R3HDM2: variants seen among roughly 807,000 people sequenced by gnomAD.
R3HDM2 encodes the protein R3H domain-containing protein 2.
A neutral mutation model predicts 124.5 loss-of-function variants in R3HDM2; 38 were observed. The ratio of observed to expected loss-of-function variants is 0.31; its 90% CI spans 0.24 to 0.40. R3HDM2 has a LOEUF of 0.40. R3HDM2 is among the 10% of genes least tolerant of loss of function. The pLI, the probability that R3HDM2 is intolerant of heterozygous loss-of-function variation, is 1.00. For missense variants in R3HDM2, 869 were observed against 1,236.9 expected (o/e 0.70, Z 4.46); for synonymous variants, 391 against 448.0 (o/e 0.87, Z 1.61).
At chr12:57,412,313 G>A (rs995125188) in intron 1 of R3HDM2, among the ~76,000 whole-genome samples, 4 of 151,770 alleles carry the variant, frequency 2.6e-5, no homozygotes, top group Non-Finnish European at 2.9e-5. Context: ...AGGCCAAGGG[G>A]GGCGAATCAC....
intron 2 of R3HDM2, among the ~76,000 whole-genome samples, chr12:57,394,789 T>A (rs1336643399): frequency 6.6e-6 from 1 of 152,148 alleles, no homozygotes; most frequent in African/African-American, 2.4e-5. Context: ...CGGGAAGAAA[T>A]CATGAGATTT....
chr12:57,334,044 A>T (rs1359233896), intron 2 of R3HDM2, among the ~76,000 whole-genome samples: 2 of 152,116 alleles, frequency 1.3e-5, no homozygotes, highest in East Asian at 3.9e-4. Context: ...CTCAAAAAAA[A>T]AAAAGAAAAA....
rs2048884171 is a variant in R3HDM2 at position 57,292,647 on chromosome 12, A to T, written c.831T>A (p.Asp277Glu). 6.5e-7 allele frequency: 1 copy of T among 1,549,398 alleles called. No individual in the cohort carries two copies. The highest frequency in any genetic ancestry group is 1.4e-5 in the African/African-American group (1 of 72,974). ...CTTCTATTGACTTGCTCCTCCTTCC[A>T]TCCTGCAATGGAACTCTGATCTAGA... ...DDNQIRVPLQ[D>E]GRRSKSIEER... Residue 277 changes from aspartate (D) to glutamate (E), a missense_variant, in exon 11 of 24, where the codon GAT becomes GAA. Asp to Glu is a conservative substitution (Grantham distance 45). Transcript: ENST00000402412.
At position 57,258,999 on chromosome 12, in the gene R3HDM2, T is replaced by TG; in HGVS notation, c.2191dup (p.Gln731ProfsTer15). On this transcript the variant is annotated frameshift_variant, in exon 20 of 24. Transcript: ENST00000402412. LOFTEE classifies it high-confidence loss of function. ...GACCATGGATGGGTTCTGAGGGGGCTGGGGTCCATTAGGGACATTCAGCTG... is the reference window on the plus strand; with the variant it reads ...GACCATGGATGGGTTCTGAGGGGGCTGGGGGTCCATTAGGGACATTCAGCTG... The TG allele has an allele frequency of 6.2e-7, 1 of 1,613,422 alleles. No individual in the cohort carries two copies. Among genetic ancestry groups the TG allele is most frequent in the Non-Finnish European group, 8.5e-7 (1 of 1,179,930 alleles).
rs191592959 is a variant in R3HDM2, at chr12:57,424,858, C to T, written c.-106+5862G>A. Among the ~76,000 whole-genome samples, 885 of 152,184 alleles carry T rather than the reference C, an allele frequency of 5.8e-3. 10 individuals are homozygous for T. The highest frequency in any genetic ancestry group is 0.02 in the African/African-American group (839 of 41,522). On this transcript the variant is annotated intron_variant, in intron 1 of 23. Coordinates refer to ENST00000402412, the MANE Select transcript of R3HDM2 (RefSeq NM_001394031.1). ...GTGCTGCACTACAGGTATGAACCAC[C>T]AAGCCAAGCCTATACAATATTTTTA...
intron 21 of R3HDM2, among the ~76,000 whole-genome samples, chr12:57,257,280 T>G (rs1425342996): frequency 6.6e-6 from 1 of 152,050 alleles, no homozygotes; most frequent in Non-Finnish European, 1.5e-5. Context: ...TGATCTAACG[T>G]TGGGTATTTT....
chr12:57,393,039 C>T (rs565282839), intron 2 of R3HDM2, among the ~76,000 whole-genome samples: 2 of 152,014 alleles, frequency 1.3e-5, no homozygotes, highest in African/African-American at 4.8e-5. Context: ...CTCCTGACCT[C>T]GTGATCCACC....
intron 2 of R3HDM2, among the ~76,000 whole-genome samples, chr12:57,334,812 T>A (rs1487435510): frequency 6.6e-6 from 1 of 152,084 alleles, no homozygotes; most frequent in Non-Finnish European, 1.5e-5. Context: ...AAACTTCCCA[T>A]GCCTCAATAT....
chr12:57,362,698 C>T (rs565856966), intron 2 of R3HDM2, among the ~76,000 whole-genome samples: 2 of 152,274 alleles, frequency 1.3e-5, no homozygotes, highest in Admixed American at 6.5e-5. Flanking sequence ...TATTTCTGCA[C>T]GTTATAAACC....
chr12:57,339,805 T>C (rs188101504), intron 2 of R3HDM2, among the ~76,000 whole-genome samples: 19 of 152,040 alleles, frequency 1.2e-4, no homozygotes, highest in Admixed American at 2.0e-4. Context: ...TAAGTAGGTA[T>C]AGTAACTTTT....
At chr12:57,415,617 G>A (rs567326340) in intron 1 of R3HDM2, among the ~76,000 whole-genome samples, 2 of 147,910 alleles carry the variant, frequency 1.4e-5, no homozygotes, top group African/African-American at 4.9e-5. Flanking sequence ...CCTTTACAAT[G>A]AAGAAATCTA....
chr12:57,346,375 T>C (rs1233942452), intron 2 of R3HDM2, among the ~76,000 whole-genome samples: 2 of 151,096 alleles, frequency 1.3e-5, no homozygotes, highest in East Asian at 3.9e-4. Flanking sequence ...GGAGAATCAC[T>C]TGAACCCAGG....
chr12:57,357,644 A>ATT lies in R3HDM2; in HGVS notation c.-36+38103_-36+38104dup, dbSNP rs35477289. ...AAAGAACTAGCTTGTAGTTTTGCTG[A>ATT]TTTTTTTTTTTTTTTTTTGGCTTTT... On this transcript the variant is annotated intron_variant, in intron 2 of 23. Coordinates refer to ENST00000402412, the MANE Select transcript of R3HDM2 (RefSeq NM_001394031.1). Among the ~76,000 whole-genome samples the ATT allele has an allele frequency of 3.8e-3, 483 of 127,412 alleles. 5 individuals are homozygous for ATT. Among genetic ancestry groups the ATT allele is most frequent in the East Asian group, 0.035 (154 of 4,396 alleles). 83.6% of individuals were successfully genotyped at this position (127,412 alleles called of 152,430 possible).
chr12:57,258,261 C>T, intron 20 of R3HDM2, 124 bp from the exon 21 acceptor site: 2 of 858,176 alleles, frequency 2.3e-6, no homozygotes, highest in Non-Finnish European at 3.1e-6. Flanking sequence ...CTGCCAAAGT[C>T]AGACTCTTCC....
Position 57,410,512 on chromosome 12 carries a change from T to C in R3HDM2, c.-105-14694A>G, listed in dbSNP as rs146795356. Among the ~76,000 whole-genome samples the C allele has an allele frequency of 4.6e-3, 700 of 152,256 alleles. 4 individuals carry two copies. Among genetic ancestry groups the C allele is most frequent in the Admixed American group, 4.4e-3 (67 of 15,268 alleles). On this transcript the variant is annotated intron_variant, in intron 1 of 23. Transcript: ENST00000402412. ...TCACCTGATCTCAAGCTCAAATGTA[T>C]TGCCTCATCCATCCAGGTGAAGTGT...
chr12:57,380,191 A>C (rs1433041200), intron 2 of R3HDM2, among the ~76,000 whole-genome samples: 2 of 152,100 alleles, frequency 1.3e-5, no homozygotes, highest in African/African-American at 2.4e-5. Flanking sequence ...ACTCCTAAAA[A>C]CTCAAAGCCA....
At position 57,308,793 on chromosome 12, in the gene R3HDM2, A is replaced by G. The variant is rs185455976; in HGVS notation, c.165+1471T>C. 9.2e-5 allele frequency among the ~76,000 whole-genome samples: 14 copies of G among 152,364 alleles called. No individual in the cohort carries two copies. In the East Asian group the frequency reaches 2.7e-3, roughly 29 times the overall value. On this transcript the variant is annotated intron_variant, in intron 3 of 23. Transcript: ENST00000402412. ...TTTATAATTATCTCCTAAGAATAGA[A>G]TAACTTAGACCCAAAAGGTCATTTA...
intron 3 of R3HDM2, among the ~76,000 whole-genome samples, chr12:57,304,774 A>G (rs1200898530): frequency 6.6e-6 from 1 of 152,246 alleles, no homozygotes; most frequent in Non-Finnish European, 1.5e-5. Flanking sequence ...ATTGTCCCCC[A>G]GATACTTGGT....
At chr12:57,308,667 C>G (rs2053278050) in intron 3 of R3HDM2, among the ~76,000 whole-genome samples, 1 of 152,038 alleles carries the variant, frequency 6.6e-6, no homozygotes, top group African/African-American at 2.4e-5. Context: ...GCTTGTGCAA[C>G]AAGAGTGAAA....
Sources: gnomAD v4.1 joint callset for allele counts (sites outside exome capture counted in the v4.1 genomes callset) on GRCh38, gnomAD v4.1.1 for gene constraint, MANE v1.5 for transcripts, NCBI Gene and HGNC (gene_info 2026-07-23, HGNC 2026-07-21) for gene names.